The following LAMA3 variants were observed in gnomAD, a reference collection of about 807,000 sequenced individuals.
LAMA3 encodes the protein laminin subunit alpha-3.
LAMA3 carries 281 observed loss-of-function variants against 402.0 expected under a neutral mutation model. The observed-to-expected ratio is 0.70, with a 90% confidence interval of 0.63 to 0.77. The LOEUF (loss-of-function observed/expected upper bound fraction) is 0.77. LAMA3 is among the 30% of genes least tolerant of loss of function. The probability of loss-of-function intolerance (pLI) is 0.00; values close to 1 mark genes in which losing one functional copy is unlikely to be tolerated. For synonymous variants in LAMA3, 1,431 were observed against 1,558.4 expected, an observed-to-expected ratio of 0.92 and a Z score of 1.93; for missense variants, 3,840 against 4,215.5, an observed-to-expected ratio of 0.91 and a Z score of 2.47.
intron 1 of LAMA3, among the ~76,000 whole-genome samples, chr18:23,694,518 T>A (rs1057390526): frequency 7.2e-5 from 11 of 152,184 alleles, no homozygotes; most frequent in African/African-American, 2.7e-4. Context: ...AATTTATGAA[T>A]GTATGAAGGA....
chr18:23,759,708 A>AT (rs1205270685), intron 7 of LAMA3, among the ~76,000 whole-genome samples: 1 of 152,122 alleles, frequency 6.6e-6, no homozygotes. Context: ...TTGACCAAAT[A>AT]TTTTTTGTAA....
chr18:23,846,181 A>G, intron 30 of LAMA3, 116 bp from the exon 31 acceptor site: 2 of 1,058,384 alleles, frequency 1.9e-6, no homozygotes, highest in Non-Finnish European at 3.0e-6. Context: ...CTGACTCCAG[A>G]ACCATGAGCC....
chr18:23,691,331 CAAAA>C (rs1257414257), intron 1 of LAMA3, among the ~76,000 whole-genome samples: 1 of 151,612 alleles, frequency 6.6e-6, no homozygotes, highest in Non-Finnish European at 1.5e-5. Context: ...ATCTAAAAGA[CAAAA>C]TAACAATGAT....
Position 23,907,840 on chromosome 18 carries a change from A to T in LAMA3, c.6920A>T (p.Asn2307Ile). ...ACAGATGAGGTTCTGGATGGGCTCA[A>T]CCCCATCCAGACAGATGTGGAAAGA... ...DITDEVLDGLNPIQTDVERIK... is the reference protein window; with the variant it reads ...DITDEVLDGLIPIQTDVERIK... The change falls in exon 54 of 75, where the codon AAC becomes ATC. Residue 2307 changes from asparagine (N) to isoleucine (I), a missense_variant. Physicochemically the swap from Asn to Ile is moderately radical, Grantham distance 149. Coordinates refer to ENST00000313654, the MANE Select transcript of LAMA3 (RefSeq NM_198129.4). 1 of 1,614,152 alleles carries T rather than the reference A, an allele frequency of 6.2e-7. No individual in the cohort carries two copies. The highest frequency in any genetic ancestry group is 8.5e-7 in the Non-Finnish European group (1 of 1,180,006).
intron 29 of LAMA3, 23 bp from the exon 30 acceptor site, chr18:23,844,986 A>G (rs760631413): frequency 1.5e-6 from 2 of 1,297,976 alleles, no homozygotes; most frequent in South Asian, 2.4e-5. Context: ...AAATTCTAAG[A>G]CATGCTGGTG....
chr18:23,819,797 A>G (rs1215089481), intron 18 of LAMA3, 44 bp from the exon 19 acceptor site: 25 of 1,558,372 alleles, frequency 1.6e-5, no homozygotes, highest in Non-Finnish European at 2.0e-5. Context: ...CAGATGATCT[A>G]TGGACCTAAC....
rs10569981 is a variant in LAMA3, at chr18:23,836,106, TACACACACACAC to T, written c.2985-850_2985-839del. On this transcript the variant is annotated intron_variant, in intron 24 of 74. Transcript: ENST00000313654. ...ATCCAAAAGAATGTGTTTTAATGGA[TACACACACACAC>T]ACACACACACACACACACACACACT... Among the ~76,000 whole-genome samples, 457 of 148,156 alleles carry T rather than the reference TACACACACACAC, an allele frequency of 3.1e-3. 5 individuals are homozygous for T. The South Asian group carries it at 0.032, about 10-fold the overall frequency.
intron 24 of LAMA3, chr18:23,834,719 G>A (rs1486372868): frequency 6.6e-6 from 1 of 152,420 alleles, no homozygotes; most frequent in African/African-American, 2.4e-5. Flanking sequence ...CTTGGCCATG[G>A]CCTTGAACAT....
At chr18:23,703,920 G>A (rs1283009817) in intron 1 of LAMA3, among the ~76,000 whole-genome samples, 2 of 152,180 alleles carry the variant, frequency 1.3e-5, no homozygotes, top group African/African-American at 2.4e-5. Context: ...ACTCTCAAAA[G>A]GGAGAATGCT....
intron 36 of LAMA3, among the ~76,000 whole-genome samples, chr18:23,865,337 A>G (rs551375777): frequency 1.3e-5 from 2 of 152,154 alleles, no homozygotes; most frequent in East Asian, 3.9e-4. Context: ...GGATCTCACT[A>G]TGTTGCCCAG....
chr18:23,931,402 A>T, intron 65 of LAMA3: 1 of 578,490 alleles, frequency 1.7e-6, no homozygotes, highest in Non-Finnish European at 3.1e-6. Context: ...CATGTCTGTA[A>T]TCCCAACAAC....
intron 1 of LAMA3, among the ~76,000 whole-genome samples, chr18:23,698,229 C>T (rs1409072184): frequency 1.7e-4 from 20 of 119,888 alleles, no homozygotes; most frequent in Non-Finnish European, 2.9e-4. Context: ...TTTTTTGAGA[C>T]GGAGTCTTGC....
Position 23,730,160 on chromosome 18 carries a change from G to C in LAMA3, c.447+16088G>C, listed in dbSNP as rs75570483. Among the ~76,000 whole-genome samples the C allele has an allele frequency of 0.011, 1,719 of 152,160 alleles. 61 individuals are homozygous for C. In the East Asian group the frequency reaches 0.15, roughly 13 times the overall value. On this transcript the variant is annotated intron_variant, in intron 2 of 74. Coordinates refer to ENST00000313654, the MANE Select transcript of LAMA3 (RefSeq NM_198129.4). ...CTAGAAGCATAGGGGCAAATGTATG[G>C]CTCCACCATGCAGGTGGACACAGCT...
At chr18:23,949,740 C>T in intron 70 of LAMA3, 25 bp from the exon 71 acceptor site, 2 of 1,612,996 alleles carry the variant, frequency 1.2e-6, no homozygotes, top group South Asian at 2.2e-5. Flanking sequence ...AGGTAATGAG[C>T]TTTTTCTTTT....
chr18:23,733,235 A>T (rs1226370567), intron 2 of LAMA3, among the ~76,000 whole-genome samples: 1 of 152,202 alleles, frequency 6.6e-6, no homozygotes, highest in African/African-American at 2.4e-5. Context: ...GGGAGGCATT[A>T]TCTTTGCTTG....
chr18:23,831,490 T>C (rs1307416933), intron 23 of LAMA3, among the ~76,000 whole-genome samples: 4 of 152,020 alleles, frequency 2.6e-5, no homozygotes, highest in African/African-American at 9.7e-5. Context: ...TGTCTTCTCC[T>C]TGTCCTCCAC....
chr18:23,916,975 G>C (rs544828090), intron 60 of LAMA3, among the ~76,000 whole-genome samples: 5 of 141,502 alleles, frequency 3.5e-5, no homozygotes, highest in Non-Finnish European at 6.2e-5. Context: ...TATCACCCAG[G>C]TAATAAATGT....
At chr18:23,911,744 T>C (rs941425050) in intron 55 of LAMA3, among the ~76,000 whole-genome samples, 1 of 148,794 alleles carries the variant, frequency 6.7e-6, no homozygotes, top group Admixed American at 6.7e-5. Flanking sequence ...CCTTTAAAAG[T>C]GCATTTAAAA....
At chr18:23,870,776 C>A (rs2030303224) in intron 37 of LAMA3, among the ~76,000 whole-genome samples, 1 of 152,200 alleles carries the variant, frequency 6.6e-6, no homozygotes, top group Admixed American at 6.5e-5. Flanking sequence ...TATGAATTAT[C>A]TGAAATAGTC....
Sources: allele counts gnomAD v4.1 joint callset (sites outside exome capture counted in the v4.1 genomes callset), GRCh38; gene constraint gnomAD v4.1.1; transcripts MANE v1.5; gene names NCBI Gene and HGNC (gene_info 2026-07-23, HGNC 2026-07-21).